The following AUTS2 variants were observed in gnomAD, a reference collection of about 807,000 sequenced individuals.
The protein encoded by AUTS2 is autism susceptibility gene 2 protein.
Under a neutral mutation model 112.4 loss-of-function variants are expected in AUTS2, and 17 were observed. The observed-to-expected ratio is 0.15, with a 90% CI of 0.10 to 0.23. The LOEUF (loss-of-function observed/expected upper bound fraction) is 0.23. AUTS2 is among the 10% of genes least tolerant of loss of function. The probability of loss-of-function intolerance (pLI) is 1.00; values close to 1 mark genes in which losing one functional copy is unlikely to be tolerated. For synonymous variants in AUTS2, 751 were observed against 702.7 expected (o/e 1.07, Z -1.09); for missense variants, 1,510 against 1,701.6 (o/e 0.89, Z 1.98).
At chr7:70,741,547 C>T (rs1235983373) in intron 6 of AUTS2, among the ~76,000 whole-genome samples, 1 of 151,796 alleles carries the variant, frequency 6.6e-6, no homozygotes, top group South Asian at 2.1e-4. Context: ...CAAAATTATC[C>T]GGGCGTGGTG....
chr7:70,247,264 C>A (rs1312315318), intron 4 of AUTS2, among the ~76,000 whole-genome samples: 1 of 152,070 alleles, frequency 6.6e-6, no homozygotes, highest in Admixed American at 6.6e-5. Flanking sequence ...ACAAGTCAGT[C>A]ACTAAAAGAA....
At chr7:70,395,313 AG>A (rs1242210752) in intron 4 of AUTS2, among the ~76,000 whole-genome samples, 2 of 152,184 alleles carry the variant, frequency 1.3e-5, no homozygotes, top group African/African-American at 4.8e-5. Flanking sequence ...ACAAGGTGAG[AG>A]GATCGCCTCT....
At chr7:69,848,635 C>T (rs1214245564) in intron 1 of AUTS2, among the ~76,000 whole-genome samples, 3 of 152,172 alleles carry the variant, frequency 2.0e-5, no homozygotes, top group Admixed American at 6.5e-5. Context: ...TTATTGGTCT[C>T]TGCTCTGCGT....
At chr7:70,280,137 G>C (rs958755073) in intron 4 of AUTS2, among the ~76,000 whole-genome samples, 4 of 151,976 alleles carry the variant, frequency 2.6e-5, no homozygotes, top group Non-Finnish European at 5.9e-5. Flanking sequence ...ACATAATAAG[G>C]GCTCAATAAA....
At chr7:70,599,052 C>T (rs911534500) in intron 5 of AUTS2, among the ~76,000 whole-genome samples, 3 of 152,248 alleles carry the variant, frequency 2.0e-5, no homozygotes, top group Non-Finnish European at 2.9e-5. Context: ...TTTTCTTTTC[C>T]TTTCATCTTT....
intron 5 of AUTS2, among the ~76,000 whole-genome samples, chr7:70,579,129 A>G (rs1314207166): frequency 6.0e-5 from 9 of 150,450 alleles, no homozygotes; most frequent in African/African-American, 1.7e-4. Context: ...GGGTTTCACC[A>G]TGTTGGCCAG....
intron 2 of AUTS2, among the ~76,000 whole-genome samples, chr7:69,949,868 G>C (rs1207237890): frequency 6.6e-6 from 1 of 152,106 alleles, no homozygotes; most frequent in Non-Finnish European, 1.5e-5. Context: ...CTTTGTGCTT[G>C]GTGCATAGTA....
chr7:70,585,955 C>T (rs567492605), intron 5 of AUTS2, among the ~76,000 whole-genome samples: 2 of 152,010 alleles, frequency 1.3e-5, no homozygotes, highest in Non-Finnish European at 2.9e-5. Flanking sequence ...CTCTACCTCC[C>T]GGGTTCAAGC....
intron 5 of AUTS2, among the ~76,000 whole-genome samples, chr7:70,620,031 G>A (rs912347448): frequency 9.2e-5 from 14 of 152,116 alleles, no homozygotes; most frequent in African/African-American, 2.9e-4. Flanking sequence ...TCCCTGTACC[G>A]CTCTGTAGGG....
intron 5 of AUTS2, among the ~76,000 whole-genome samples, chr7:70,518,374 T>A (rs1249815811): frequency 6.6e-6 from 1 of 152,062 alleles, no homozygotes; most frequent in Non-Finnish European, 1.5e-5. Context: ...GAATGAAGAA[T>A]GAACACTAGA....
chr7:69,941,850 C>T (rs1192721791), intron 2 of AUTS2, among the ~76,000 whole-genome samples: 1 of 152,152 alleles, frequency 6.6e-6, no homozygotes, highest in Non-Finnish European at 1.5e-5. Flanking sequence ...ACTGGATGAA[C>T]TGGTTAGATT....
intron 4 of AUTS2, among the ~76,000 whole-genome samples, chr7:70,338,546 C>T (rs535669195): frequency 6.6e-6 from 1 of 152,288 alleles, no homozygotes; most frequent in East Asian, 1.9e-4. Flanking sequence ...ATCCCAAAGC[C>T]TGCTATACAA....
rs1245445829 is a variant in AUTS2, at chr7:69,599,837, C to A, written c.184C>A (p.Pro62Thr). 6.2e-7 allele frequency: 1 copy of A among 1,611,520 alleles called. No individual in the cohort carries two copies. The highest frequency in any genetic ancestry group is 8.5e-7 in the Non-Finnish European group (1 of 1,179,226). Residue 62 changes from proline to threonine, a missense_variant, in exon 1 of 19, where the codon CCC becomes ACC. By Grantham distance (38) the Pro-to-Thr change is conservative (BLOSUM62 -1). Coordinates refer to ENST00000342771, the MANE Select transcript of AUTS2 (RefSeq NM_015570.4). The surrounding 1 kb of genome is among the most constrained non-coding windows in gnomAD (Gnocchi z 7.0). ...SGSDKEDNGK[P>T]PSSAPSRPRP... ...CTCCGACAAGGAAGACAATGGGAAG[C>A]CCCCGTCCTCCGCCCCGTCCCGGCC...
chr7:69,658,075 T>C (rs1000685277), intron 1 of AUTS2, among the ~76,000 whole-genome samples: 4 of 152,262 alleles, frequency 2.6e-5, no homozygotes, highest in African/African-American at 7.2e-5. Flanking sequence ...GTGAAAATTA[T>C]GTGGAATTTG....
intron 5 of AUTS2, among the ~76,000 whole-genome samples, chr7:70,659,175 G>A (rs777372019): frequency 6.6e-6 from 1 of 152,190 alleles, no homozygotes; most frequent in Non-Finnish European, 1.5e-5. Context: ...CCAGTGGGAG[G>A]TAGGCATGGA....
chr7:70,023,150 T>C (rs1023086775), intron 2 of AUTS2, among the ~76,000 whole-genome samples: 11 of 152,236 alleles, frequency 7.2e-5, no homozygotes, highest in Middle Eastern at 3.2e-3. Flanking sequence ...CAGCCTCTAA[T>C]TGGTGACTTC....
At position 70,701,252 on chromosome 7, in the gene AUTS2, T is replaced by TG. The variant is rs536590204; in HGVS notation, c.742+2639dup. On this transcript the variant is annotated intron_variant, in intron 6 of 18. Transcript: ENST00000342771. ...CTCACAAGCTGATTGTGGTGGGGGT[T>TG]GGGGGGGCGCAGCCCTGATGTTGGG... 1.8e-4 allele frequency among the ~76,000 whole-genome samples: 28 copies of TG among 151,968 alleles called. 1 individual carries two copies. The South Asian group carries it at 3.5e-3, about 19-fold the overall frequency.
chr7:70,317,998 A>G (rs1790077040), intron 4 of AUTS2, among the ~76,000 whole-genome samples: 1 of 152,182 alleles, frequency 6.6e-6, no homozygotes, highest in South Asian at 2.1e-4. Flanking sequence ...ACCTTTAGAA[A>G]CACCAGCGAA....
At chr7:70,471,516 C>G (rs1293930033) in intron 5 of AUTS2, among the ~76,000 whole-genome samples, 1 of 152,138 alleles carries the variant, frequency 6.6e-6, no homozygotes, top group Admixed American at 6.6e-5. Flanking sequence ...TATCAACCTC[C>G]CTAATTTCAA....
Sources: allele counts gnomAD v4.1 joint callset (sites outside exome capture counted in the v4.1 genomes callset), GRCh38; gene constraint gnomAD v4.1.1; non-coding constraint Gnocchi (gnomAD v3.1); transcripts MANE v1.5; gene names NCBI Gene and HGNC (gene_info 2026-07-23, HGNC 2026-07-21).